Variants in SPAG16 observed in about 807,000 individuals in gnomAD.
The protein encoded by SPAG16 is sperm-associated antigen 16 protein.
Under a neutral mutation model 80.4 loss-of-function variants are expected in SPAG16, and 86 were observed. The ratio of observed to expected loss-of-function variants is 1.07; its 90% CI spans 0.90 to 1.28. SPAG16 has a LOEUF of 1.28. Among genes scored for constraint, SPAG16 ranks in the 50% most tolerant of loss-of-function variants. The pLI, the probability that SPAG16 is intolerant of heterozygous loss-of-function variation, is 0.00. For synonymous variants in SPAG16, 294 were observed against 265.9 expected, an observed-to-expected ratio of 1.11 and a Z score of -1.03; for missense variants, 870 against 765.3, an observed-to-expected ratio of 1.14 and a Z score of -1.61.
intron 9 of SPAG16, among the ~76,000 whole-genome samples, chr2:213,385,533 A>C (rs561395938): frequency 3.9e-5 from 6 of 152,218 alleles, no homozygotes; most frequent in Non-Finnish European, 7.4e-5. Context: ...TTTATAACAG[A>C]GTCATTACTT....
intron 12 of SPAG16, among the ~76,000 whole-genome samples, chr2:213,966,451 A>T (rs888484489): frequency 2.0e-5 from 3 of 152,216 alleles, no homozygotes; most frequent in African/African-American, 7.2e-5. Context: ...ATTAGATGTT[A>T]GAAGAGGAGA....
At chr2:213,886,634 A>G (rs13392729) in intron 11 of SPAG16, among the ~76,000 whole-genome samples, 90,255 of 151,828 alleles carry the variant, frequency 0.59, 28,714 homozygotes, top group South Asian at 0.85. Flanking sequence ...AAAAAATATG[A>G]GAGGAGTGCC....
intron 9 of SPAG16, among the ~76,000 whole-genome samples, chr2:213,470,330 G>T (rs909904108): frequency 6.6e-6 from 1 of 152,128 alleles, no homozygotes; most frequent in Non-Finnish European, 1.5e-5. Context: ...TGAGTGCCTT[G>T]GTCAGAGGCA....
intron 10 of SPAG16, among the ~76,000 whole-genome samples, chr2:213,851,374 G>A (rs901510755): frequency 2.0e-5 from 3 of 152,078 alleles, no homozygotes; most frequent in East Asian, 1.9e-4. Flanking sequence ...GCGTGGTGGC[G>A]GTGGGTGCCT....
chr2:213,832,687 A>G (rs2073739522), intron 10 of SPAG16, among the ~76,000 whole-genome samples: 1 of 152,152 alleles, frequency 6.6e-6, no homozygotes, highest in Admixed American at 6.5e-5. Context: ...CCCTCAGTCT[A>G]TTACCAAGAG....
chr2:213,831,767 T>G lies in SPAG16; in HGVS notation c.1071-30718T>G, dbSNP rs546335778. 7.2e-5 allele frequency among the ~76,000 whole-genome samples: 11 copies of G among 152,214 alleles called. 1 individual carries two copies. In the South Asian group the frequency reaches 2.3e-3, roughly 32 times the overall value. On this transcript the variant is annotated intron_variant, in intron 10 of 15. Coordinates refer to ENST00000331683, the MANE Select transcript of SPAG16 (RefSeq NM_024532.5). ...TTTGGTATTGTAATCATAAATGACA[T>G]TTAGCATTTTAAAACTTTACAATAT... is the stretch of plus-strand genomic sequence containing the variant.
chr2:214,122,212 A>G (rs1026593214), intron 14 of SPAG16, among the ~76,000 whole-genome samples: 3 of 151,834 alleles, frequency 2.0e-5, no homozygotes, highest in Non-Finnish European at 4.4e-5. Context: ...TATCCTAAAA[A>G]AGAATGTGTA....
chr2:213,770,867 A>G (rs949928648), intron 10 of SPAG16, among the ~76,000 whole-genome samples: 1 of 152,134 alleles, frequency 6.6e-6, no homozygotes, highest in Non-Finnish European at 1.5e-5. Context: ...TCTATCATTG[A>G]TGGGCATTTG....
intron 13 of SPAG16, among the ~76,000 whole-genome samples, chr2:214,022,341 C>A (rs1248975143): frequency 2.0e-5 from 3 of 152,046 alleles, no homozygotes; most frequent in Non-Finnish European, 4.4e-5. Flanking sequence ...TGCAGCCATT[C>A]TGCCTGGATT....
At chr2:213,947,960 A>T (rs2079547503) in intron 12 of SPAG16, among the ~76,000 whole-genome samples, 1 of 151,948 alleles carries the variant, frequency 6.6e-6, no homozygotes, top group Non-Finnish European at 1.5e-5. Flanking sequence ...TTTTCCTCTT[A>T]TCTAAAAATT....
At chr2:213,870,773 T>C (rs2075914498) in intron 11 of SPAG16, among the ~76,000 whole-genome samples, 1 of 152,164 alleles carries the variant, frequency 6.6e-6, no homozygotes, top group Non-Finnish European at 1.5e-5. Flanking sequence ...GCTGTAAAAC[T>C]AGTATTGCCT....
chr2:213,877,246 A>G (rs2076175264), intron 11 of SPAG16, among the ~76,000 whole-genome samples: 1 of 152,130 alleles, frequency 6.6e-6, no homozygotes, highest in Non-Finnish European at 1.5e-5. Flanking sequence ...ATTATTTAAG[A>G]TAATTTCCCA....
At chr2:213,440,842 A>T (rs1206269405) in intron 9 of SPAG16, among the ~76,000 whole-genome samples, 1 of 152,192 alleles carries the variant, frequency 6.6e-6, no homozygotes, top group Non-Finnish European at 1.5e-5. Flanking sequence ...ATAAGAAAGG[A>T]TTTCCTAAGC....
intron 9 of SPAG16, among the ~76,000 whole-genome samples, chr2:213,447,449 C>G (rs1238540228): frequency 1.3e-5 from 2 of 152,194 alleles, no homozygotes; most frequent in East Asian, 3.8e-4. Flanking sequence ...TTCTGAACCC[C>G]ATGATAAATC....
intron 10 of SPAG16, among the ~76,000 whole-genome samples, chr2:213,681,707 C>G (rs1284473269): frequency 6.6e-6 from 1 of 152,164 alleles, no homozygotes. Flanking sequence ...ATGTGGGAAG[C>G]AAGACCTTCT....
chr2:213,744,137 G>A (rs1372081957), intron 10 of SPAG16, among the ~76,000 whole-genome samples: 2 of 152,288 alleles, frequency 1.3e-5, no homozygotes, highest in East Asian at 3.9e-4. Context: ...GTTTATGGAG[G>A]TTGAAGGATG....
chr2:213,553,075 A>G (rs1030495076), intron 10 of SPAG16, among the ~76,000 whole-genome samples: 30 of 152,058 alleles, frequency 2.0e-4, no homozygotes, highest in African/African-American at 6.5e-4. Flanking sequence ...GTGGGACTTC[A>G]CCTTCACCTT....
At chr2:214,341,158 T>C (rs1697663326) in intron 15 of SPAG16, among the ~76,000 whole-genome samples, 1 of 152,096 alleles carries the variant, frequency 6.6e-6, no homozygotes, top group South Asian at 2.1e-4. Context: ...AAGCTATGAT[T>C]GCTAAAGTAA....
chr2:213,982,610 GGTGTGTGTGTGTGT>G (rs57529616), intron 12 of SPAG16, among the ~76,000 whole-genome samples: 3 of 141,856 alleles, frequency 2.1e-5, no homozygotes, highest in South Asian at 2.3e-4. Context: ...TATAGTTTCT[GGTGTGTGTGTGTGT>G]GTGTGTGTGT....
Sources: allele counts gnomAD v4.1 joint callset (sites outside exome capture counted in the v4.1 genomes callset), GRCh38; gene constraint gnomAD v4.1.1; transcripts MANE v1.5; gene names NCBI Gene and HGNC (gene_info 2026-07-23, HGNC 2026-07-21).